RAB12: variants seen among roughly 807,000 people sequenced by gnomAD.
RAB12 encodes the protein ras-related protein Rab-12.
A neutral mutation model predicts 28.4 loss-of-function variants in RAB12; 11 were observed. That is an observed-to-expected ratio of 0.39 (90% CI 0.24 to 0.64). The LOEUF (loss-of-function observed/expected upper bound fraction) is 0.64. Among genes scored for constraint, RAB12 ranks in the 30% least tolerant of loss-of-function variants. The pLI, the probability that RAB12 is intolerant of heterozygous loss-of-function variation, is 0.50. For synonymous variants in RAB12, 138 were observed against 145.3 expected, an observed-to-expected ratio of 0.95 and a Z score of 0.36; for missense variants, 276 against 351.1, an observed-to-expected ratio of 0.79 and a Z score of 1.71.
In RAB12 at chr18:8,614,742, C is replaced by T. The variant is rs147434975; in HGVS notation, c.514+4789C>T. Among the ~76,000 whole-genome samples, 882 of 152,194 alleles carry T rather than the reference C, an allele frequency of 5.8e-3. 13 individuals are homozygous for T. Among genetic ancestry groups the T allele is most frequent in the South Asian group, 0.035 (167 of 4,818 alleles). ...CTGGGATTACAGGCACTCACCACCA[C>T]GCCTGGCTAATTTTTGTATTTTTAG... On this transcript the variant is annotated intron_variant, in intron 1 of 5. Coordinates refer to ENST00000649141, the MANE Select transcript of RAB12 (RefSeq NM_001025300.3).
chr18:8,619,739 TG>T (rs1457066103), intron 1 of RAB12, among the ~76,000 whole-genome samples: 4 of 152,192 alleles, frequency 2.6e-5, no homozygotes, highest in South Asian at 4.1e-4. Flanking sequence ...CTTTATAAAA[TG>T]GGGGTAATAG....
At chr18:8,630,941 T>C (rs756276188) in intron 2 of RAB12, among the ~76,000 whole-genome samples, 4 of 152,286 alleles carry the variant, frequency 2.6e-5, no homozygotes, top group Non-Finnish European at 1.5e-5. Context: ...TAGGCTGCAG[T>C]GCAGTGGCGC....
At chr18:8,633,145 C>G in intron 2 of RAB12, 44 bp from the exon 3 acceptor site, 1 of 1,612,536 alleles carries the variant, frequency 6.2e-7, no homozygotes, top group Middle Eastern at 1.7e-4. Flanking sequence ...ATGGTGCTCA[C>G]TTTGGGCATT....
intron 2 of RAB12, among the ~76,000 whole-genome samples, chr18:8,625,402 C>CA (rs766925107): frequency 5.3e-5 from 8 of 152,162 alleles, no homozygotes; most frequent in Non-Finnish European, 1.2e-4. Context: ...AATCTGAAGG[C>CA]AGGTCCCCTG....
At chr18:8,617,956 T>C (rs905194723) in intron 1 of RAB12, among the ~76,000 whole-genome samples, 5 of 152,212 alleles carry the variant, frequency 3.3e-5, no homozygotes, top group Non-Finnish European at 7.3e-5. Context: ...ATCTGAAATA[T>C]AGCAAACACC....
chr18:8,635,745 C>T (rs1157235523), intron 4 of RAB12, 123 bp downstream of exon 4: 19 of 600,508 alleles, frequency 3.2e-5, no homozygotes, highest in Non-Finnish European at 3.9e-5. Context: ...ATAACTCAGT[C>T]ACATCCTCCT....
Position 8,639,135 on chromosome 18 carries a change from C to T in RAB12, c.*873C>T, listed in dbSNP as rs2096020699. On this transcript the variant is annotated 3_prime_UTR_variant, in exon 6 of 6. Coordinates refer to ENST00000649141, the MANE Select transcript of RAB12 (RefSeq NM_001025300.3). Reference sequence around the variant, plus strand: ...ACGGTGAAGCTTATTCTGATTAAGCCTAGACTGTGTTCTTTTTTTTTTTTT... The same window carrying T: ...ACGGTGAAGCTTATTCTGATTAAGCTTAGACTGTGTTCTTTTTTTTTTTTT... 1.3e-5 allele frequency: 1 copy of T among 74,736 alleles called. No individual in the cohort carries two copies. The highest frequency in any genetic ancestry group is 1.8e-4 in the Admixed American group (1 of 5,494). The allele number at this position is 74,736 out of a possible 1,614,324, so 4.6% of individuals were successfully genotyped here.
chr18:8,616,024 T>C (rs2096006489), intron 1 of RAB12, among the ~76,000 whole-genome samples: 1 of 152,186 alleles, frequency 6.6e-6, no homozygotes, highest in Admixed American at 6.5e-5. Context: ...TCTCTATCCT[T>C]GGGTGCCAGA....
intron 2 of RAB12, among the ~76,000 whole-genome samples, chr18:8,628,409 A>C (rs1310386593): frequency 1.3e-5 from 2 of 152,210 alleles, no homozygotes; most frequent in Non-Finnish European, 2.9e-5. Context: ...AGAAAATAAA[A>C]GCTTTCTCAA....
rs141842020 is a variant in RAB12, at chr18:8,626,830, G to A, written c.575+1832G>A. Reference sequence around the variant, plus strand: ...TTCTCTAAATCTGTGCAGCTGTACAGCATGGGCAAAGAGCGTAACTAAGGG... The same window carrying A: ...TTCTCTAAATCTGTGCAGCTGTACAACATGGGCAAAGAGCGTAACTAAGGG... On this transcript the variant is annotated intron_variant, in intron 2 of 5. Coordinates refer to ENST00000649141, the MANE Select transcript of RAB12 (RefSeq NM_001025300.3). 1.9e-3 allele frequency among the ~76,000 whole-genome samples: 290 copies of A among 152,334 alleles called. 1 individual carries two copies. Among genetic ancestry groups the A allele is most frequent in the African/African-American group, 6.8e-3 (283 of 41,578 alleles).
chr18:8,609,615 C>A lies in RAB12; in HGVS notation c.176C>A (p.Pro59His). The change falls in exon 1 of 6, where the codon CCC becomes CAC. Residue 59 changes from proline (P) to histidine (H), a missense_variant. Physicochemically the swap from Pro to His is moderately conservative, Grantham distance 77. This residue lies in a region of RAB12 where 72 missense variants were observed against 55.5 expected (regional missense o/e 1.30). Coordinates refer to ENST00000649141, the MANE Select transcript of RAB12 (RefSeq NM_001025300.3). ...CCGCTCCAGCGGGCGGAAGCCGAGC[C>A]CGGGGCCGACCCCCCGCGCGCGGCG... The part of the protein sequence containing the change: ...PGPLQRAEAE[P>H]GADPPRAAEA... The A allele has an allele frequency of 2.6e-6, 1 of 386,498 alleles. No homozygotes were observed. The highest frequency in any genetic ancestry group is 3.5e-6 in the Non-Finnish European group (1 of 285,158). The allele number at this position is 386,498 out of a possible 1,614,324, so 23.9% of individuals were successfully genotyped here.
At chr18:8,637,887 C>T (rs1192309035) in intron 5 of RAB12, among the ~76,000 whole-genome samples, 4 of 152,128 alleles carry the variant, frequency 2.6e-5, no homozygotes, top group Non-Finnish European at 4.4e-5. Context: ...AGTGGATCAT[C>T]ATAAAGGTCT....
At position 8,636,334 on chromosome 18, in the gene RAB12, C is replaced by G; in HGVS notation, c.886C>G (p.Leu296Val). The change falls in exon 5 of 6, where the codon CTT (leucine) becomes GTT (valine). Residue 296 changes from leucine (L) to valine (V), a missense_variant. Physicochemically the swap from Leu to Val is conservative, Grantham distance 32. Transcript: ENST00000649141. ...CAATGTGGACGAGATATTTTTGAAA[C>G]TTGTCGATGACATTCTGAAAAAGGT... ...NFNVDEIFLK[L>V]VDDILKKMPL... 6.2e-7 allele frequency: 1 copy of G among 1,606,660 alleles called. No individual in the cohort carries two copies. Among genetic ancestry groups the G allele is most frequent in the South Asian group, 1.1e-5 (1 of 90,192 alleles).
intron 1 of RAB12, among the ~76,000 whole-genome samples, chr18:8,612,667 T>TTTTA (rs1345374711): frequency 6.6e-6 from 1 of 152,148 alleles, no homozygotes; most frequent in Non-Finnish European, 1.5e-5. Context: ...GCCTTTTTAT[T>TTTTA]TTTATTTATT....
At chr18:8,624,902 T>C in intron 1 of RAB12, 36 bp from the exon 2 acceptor site, 1 of 1,289,132 alleles carries the variant, frequency 7.8e-7, no homozygotes, top group South Asian at 1.2e-5. Context: ...TGCATCTTTG[T>C]TGTTTTTGCT....
At chr18:8,630,227 CATCA>C (rs1417200845) in intron 2 of RAB12, among the ~76,000 whole-genome samples, 3 of 152,176 alleles carry the variant, frequency 2.0e-5, no homozygotes, top group Non-Finnish European at 4.4e-5. Context: ...AGACATAATA[CATCA>C]ATCAATACAT....
At chr18:8,619,407 G>C (rs2096008527) in intron 1 of RAB12, among the ~76,000 whole-genome samples, 1 of 152,224 alleles carries the variant, frequency 6.6e-6, no homozygotes, top group African/African-American at 2.4e-5. Flanking sequence ...GTGTGCAAAT[G>C]TTTCGCTTTA....
chr18:8,611,511 C>A (rs1013350866), intron 1 of RAB12, among the ~76,000 whole-genome samples: 3 of 152,116 alleles, frequency 2.0e-5, no homozygotes, highest in African/African-American at 7.2e-5. Flanking sequence ...ATTTTCTAAG[C>A]CTGGCAGCAG....
chr18:8,618,805 C>G (rs1242728338), intron 1 of RAB12, among the ~76,000 whole-genome samples: 3 of 152,218 alleles, frequency 2.0e-5, no homozygotes, highest in African/African-American at 4.8e-5. Context: ...AGCCACCGTG[C>G]TCAGCCACAT....
Sources: gnomAD v4.1 joint callset for allele counts (sites outside exome capture counted in the v4.1 genomes callset) on GRCh38, gnomAD v4.1.1 for gene constraint, gnomAD v4.1.1 regional missense constraint, MANE v1.5 for transcripts, NCBI Gene and HGNC (gene_info 2026-07-23, HGNC 2026-07-21) for gene names.